Variants in DPYD observed in about 807,000 individuals in gnomAD.
The protein encoded by DPYD is dihydropyrimidine dehydrogenase, also known as dihydropyrimidine dehydrogenase [NADP(+)].
A neutral mutation model predicts 116.2 loss-of-function variants in DPYD; 109 were observed. That is an observed-to-expected ratio of 0.94 (90% confidence interval 0.80 to 1.10). DPYD has a LOEUF of 1.10. Among genes scored for constraint, DPYD ranks in the 50% least tolerant of loss-of-function variants. The probability of loss-of-function intolerance (pLI) is 0.00; values close to 1 mark genes in which losing one functional copy is unlikely to be tolerated. For synonymous variants in DPYD, 440 were observed against 432.0 expected (o/e 1.02, Z -0.23); for missense variants, 1,302 against 1,254.5 (o/e 1.04, Z -0.57).
At chr1:97,670,454 A>G in intron 8 of DPYD, among the ~76,000 whole-genome samples, 1 of 152,186 alleles carries the variant, frequency 6.6e-6, no homozygotes, top group East Asian at 1.9e-4. Context: ...TTCTCTTTCC[A>G]TGCGGATAAA....
intron 16 of DPYD, among the ~76,000 whole-genome samples, chr1:97,362,860 AC>A (rs1216006181): frequency 2.0e-5 from 3 of 152,168 alleles, no homozygotes; most frequent in Non-Finnish European, 4.4e-5. Flanking sequence ...CTAGAAGAAA[AC>A]CTAGGCAATA....
At position 97,844,507 on chromosome 1, in the gene DPYD, T is replaced by C. The variant is rs558792407; in HGVS notation, c.151-16311A>G. On this transcript the variant is annotated intron_variant, in intron 2 of 22. Transcript: ENST00000370192. ...TCATGCCTACATAATGTAACCCTTA[T>C]AAAAACAAAAGAAAGGGGCTCACAG... Among the ~76,000 whole-genome samples, 5 of 152,232 alleles carry C rather than the reference T, an allele frequency of 3.3e-5. No individual in the cohort carries two copies. The South Asian group carries it at 1.0e-3, about 32-fold the overall frequency.
At chr1:97,168,180 A>G (rs1314556075) in intron 20 of DPYD, among the ~76,000 whole-genome samples, 1 of 152,214 alleles carries the variant, frequency 6.6e-6, no homozygotes, top group Non-Finnish European at 1.5e-5. Flanking sequence ...GGAAATCAGA[A>G]TATTATGAGG....
intron 3 of DPYD, among the ~76,000 whole-genome samples, chr1:97,799,039 A>T (rs1229500421): frequency 6.6e-6 from 1 of 152,000 alleles, no homozygotes; most frequent in Non-Finnish European, 1.5e-5. Flanking sequence ...CTTGCTTCTT[A>T]TCATTAAATT....
At chr1:97,724,366 A>T in intron 4 of DPYD, among the ~76,000 whole-genome samples, 1 of 127,894 alleles carries the variant, frequency 7.8e-6, no homozygotes, top group African/African-American at 3.1e-5. Context: ...GTGTGTGTGT[A>T]TGAGATTTAT....
chr1:97,555,368 G>A (rs933812702), intron 11 of DPYD, among the ~76,000 whole-genome samples: 12 of 152,004 alleles, frequency 7.9e-5, no homozygotes, highest in Non-Finnish European at 1.5e-5. Flanking sequence ...TCTCCCTTGA[G>A]TTCTTCCTTT....
chr1:97,767,858 T>C (rs1665950200), intron 3 of DPYD, among the ~76,000 whole-genome samples: 2 of 150,730 alleles, frequency 1.3e-5, no homozygotes, highest in Non-Finnish European at 2.9e-5. Flanking sequence ...TATCTAGAAT[T>C]AATTTCAGCA....
At chr1:97,307,437 T>C (rs1437443372) in intron 16 of DPYD, among the ~76,000 whole-genome samples, 1 of 151,874 alleles carries the variant, frequency 6.6e-6, no homozygotes, top group Non-Finnish European at 1.5e-5. Context: ...ATTTGTAATG[T>C]TATAACCTTT....
chr1:97,119,400 T>C (rs1570488955), intron 20 of DPYD, among the ~76,000 whole-genome samples: 1 of 151,944 alleles, frequency 6.6e-6, no homozygotes, highest in Non-Finnish European at 1.5e-5. Context: ...TGCAGAAAAG[T>C]GTTAAGGGAC....
At chr1:97,876,533 T>A (rs1671930126) in intron 2 of DPYD, among the ~76,000 whole-genome samples, 1 of 151,956 alleles carries the variant, frequency 6.6e-6, no homozygotes, top group Non-Finnish European at 1.5e-5. Context: ...TACTCTGCCA[T>A]CTCTCCCCAC....
At chr1:97,335,470 C>G (rs150049388) in intron 16 of DPYD, among the ~76,000 whole-genome samples, 1,757 of 152,200 alleles carry the variant, frequency 0.012, 23 homozygotes, top group Middle Eastern at 0.027. Flanking sequence ...CTCATATCAC[C>G]TTCCTTAGAA....
At chr1:97,895,357 C>T (rs1272314962) in intron 1 of DPYD, among the ~76,000 whole-genome samples, 1 of 151,668 alleles carries the variant, frequency 6.6e-6, no homozygotes, top group African/African-American at 2.4e-5. Flanking sequence ...AATAGAGATG[C>T]TGGAAAACAG....
At chr1:97,083,143 T>C (rs959170540) in intron 21 of DPYD, among the ~76,000 whole-genome samples, 2 of 152,210 alleles carry the variant, frequency 1.3e-5, no homozygotes, top group African/African-American at 4.8e-5. Context: ...TGCTTTGTTC[T>C]TCATACTAAT....
chr1:97,867,294 C>T (rs988536953), intron 2 of DPYD, among the ~76,000 whole-genome samples: 1 of 151,838 alleles, frequency 6.6e-6, no homozygotes, highest in African/African-American at 2.4e-5. Flanking sequence ...ACCAACCGTT[C>T]AGTCTGCAGT....
intron 14 of DPYD, among the ~76,000 whole-genome samples, chr1:97,435,359 T>G (rs1675411793): frequency 6.6e-6 from 1 of 151,956 alleles, no homozygotes; most frequent in African/African-American, 2.4e-5. Context: ...TAAATTTTGG[T>G]TATTAAAATG....
rs12060434 is a variant in DPYD, at chr1:97,814,516, T to C, written c.233+13598A>G. 6.6e-3 allele frequency among the ~76,000 whole-genome samples: 997 copies of C among 152,198 alleles called. 12 individuals carry two copies. The highest frequency in any genetic ancestry group is 0.022 in the African/African-American group (925 of 41,550). ...CAAAACTGGACAGATTCCAAGGATATAGCTTTAACAGGAATTTTTATACAA... is the reference window on the plus strand; with the variant it reads ...CAAAACTGGACAGATTCCAAGGATACAGCTTTAACAGGAATTTTTATACAA... On this transcript the variant is annotated intron_variant, in intron 3 of 22. Transcript: ENST00000370192.
chr1:97,356,742 A>G (rs1359664448), intron 16 of DPYD, among the ~76,000 whole-genome samples: 3 of 152,186 alleles, frequency 2.0e-5, no homozygotes, highest in Non-Finnish European at 1.5e-5. Context: ...GCACATGGAT[A>G]TACATTTTTC....
chr1:97,624,779 A>T (rs768248718), intron 8 of DPYD, among the ~76,000 whole-genome samples: 1 of 152,046 alleles, frequency 6.6e-6, no homozygotes, highest in Non-Finnish European at 1.5e-5. Flanking sequence ...TACTATTCGG[A>T]CTTAAAAAAG....
At chr1:97,609,416 A>T (rs1195452253) in intron 8 of DPYD, among the ~76,000 whole-genome samples, 1 of 152,120 alleles carries the variant, frequency 6.6e-6, no homozygotes, top group South Asian at 2.1e-4. Context: ...TTCACCACTA[A>T]CTGTCTTAAA....
Sources: allele counts gnomAD v4.1 joint callset (sites outside exome capture counted in the v4.1 genomes callset), GRCh38; gene constraint gnomAD v4.1.1; transcripts MANE v1.5; gene names NCBI Gene and HGNC (gene_info 2026-07-23, HGNC 2026-07-21).